The following DUSP7 variants were observed in gnomAD, a reference collection of about 807,000 sequenced individuals.
DUSP7 encodes dual specificity protein phosphatase 7.
A neutral mutation model predicts 29.8 loss-of-function variants in DUSP7; 7 were observed. The ratio of observed to expected loss-of-function variants is 0.24; its 90% confidence interval spans 0.13 to 0.44. The LOEUF (loss-of-function observed/expected upper bound fraction) is 0.44. DUSP7 is among the 20% of genes least tolerant of loss of function. DUSP7 has a pLI of 1.00. For missense variants in DUSP7, 400 were observed against 583.7 expected (o/e 0.69, Z 3.24); for synonymous variants, 287 against 275.4 (o/e 1.04, Z -0.42).
Position 52,054,411 on chromosome 3 carries a change from T to C in DUSP7, c.518-37A>G. On this transcript the variant is annotated intron_variant, in intron 1 of 2. Coordinates refer to ENST00000495880, the MANE Select transcript of DUSP7 (RefSeq NM_001947.4). This position sits in a 1 kb window ranked among gnomAD's most constrained non-coding sequence, Gnocchi z 4.1. ...GTGAGACAGGGCCTGGGTGAGAGGCTGGTGAGAGCCCAGATGGGCTGCACA... is the reference window on the plus strand; with the variant it reads ...GTGAGACAGGGCCTGGGTGAGAGGCCGGTGAGAGCCCAGATGGGCTGCACA... The C allele has an allele frequency of 6.7e-7, 1 of 1,503,580 alleles. No individual in the cohort carries two copies. Among genetic ancestry groups the C allele is most frequent in the African/African-American group, 1.4e-5 (1 of 71,526 alleles). The allele number at this position is 1,503,580 out of a possible 1,614,324, so 93.1% of individuals were successfully genotyped here. A position where few individuals can be genotyped will look rare whatever the true frequency, so the allele number is the denominator to read the frequency against.
In DUSP7 at chr3:52,051,449, T is replaced by C. The variant is rs989487911; in HGVS notation, c.953-327A>G. Among the ~76,000 whole-genome samples the C allele has an allele frequency of 6.6e-6, 1 of 152,220 alleles. No homozygotes were observed. The highest frequency in any genetic ancestry group is 2.4e-5 in the African/African-American group (1 of 41,448). ...AGGGGTCAACAAACATGAACTACTG[T>C]AATGCCTGTGATCATGGCTAGTCCT... On this transcript the variant is annotated intron_variant, in intron 2 of 2. Transcript: ENST00000495880. This position sits in a 1 kb window ranked among gnomAD's most constrained non-coding sequence, Gnocchi z 4.8.
At position 52,054,577 on chromosome 3, in the gene DUSP7, G is replaced by A. The variant is rs1212376452; in HGVS notation, c.518-203C>T. ...TGACCACTTCACAGATAAGGAAACT[G>A]AGGCCCCAGAAGGTGAAGTGACGTG... On this transcript the variant is annotated intron_variant, in intron 1 of 2. Coordinates refer to ENST00000495880, the MANE Select transcript of DUSP7 (RefSeq NM_001947.4). This position sits in a 1 kb window ranked among gnomAD's most constrained non-coding sequence, Gnocchi z 4.1. Among the ~76,000 whole-genome samples the A allele has an allele frequency of 1.3e-5, 2 of 152,160 alleles. No homozygotes were observed. Among genetic ancestry groups the A allele is most frequent in the Non-Finnish European group, 2.9e-5 (2 of 68,032 alleles).
chr3:52,050,981 T>C lies in DUSP7; in HGVS notation c.1094A>G (p.Lys365Arg). ...GTTGAAGTTGGGCGAGATGTTGGAC[T>C]TTTTCCTCTTGACAAAGTCGTAGGC... ...NDAYDFVKRKKSNISPNFNFM... is the reference protein window; with the variant it reads ...NDAYDFVKRKRSNISPNFNFM... The change falls in exon 3 of 3, where the codon AAG becomes AGG. Residue 365 changes from lysine to arginine, a missense_variant. By Grantham distance (26) the Lys-to-Arg change is conservative. Transcript: ENST00000495880. This position sits in a 1 kb window ranked among gnomAD's most constrained non-coding sequence, Gnocchi z 5.0. The C allele has an allele frequency of 6.2e-7, 1 of 1,614,260 alleles. No individual in the cohort carries two copies. Among genetic ancestry groups the C allele is most frequent in the Non-Finnish European group, 8.5e-7 (1 of 1,180,042 alleles).
Position 52,055,707 on chromosome 3 carries a change from C to T in DUSP7, c.517+143G>A, listed in dbSNP as rs1701894055. ...CAAACCACACAGTGGGGACCCGGCT[C>T]CAGGAGGGCGGATGCGGGCCGGGGA... On this transcript the variant is annotated intron_variant, in intron 1 of 2. Coordinates refer to ENST00000495880, the MANE Select transcript of DUSP7 (RefSeq NM_001947.4). The T allele has an allele frequency of 3.8e-6, 4 of 1,057,084 alleles. No individual in the cohort carries two copies. The South Asian group carries it at 7.2e-5, about 19-fold the overall frequency. The allele number at this position is 1,057,084 out of a possible 1,614,324, so 65.5% of individuals were successfully genotyped here.
rs765587860 is a variant in DUSP7 at position 52,051,109 on chromosome 3, G to A, written c.966C>T (p.Ser322=). The change falls in exon 3 of 3, where the codon TCC becomes TCT. Residue 322 remains serine, a synonymous_variant. Coordinates refer to ENST00000495880, the MANE Select transcript of DUSP7 (RefSeq NM_001947.4). The surrounding 1 kb of genome is among the most constrained non-coding windows in gnomAD (Gnocchi z 4.8). ...EAISFIDEAR[S]KKCGVLVHCL... The stretch of plus-strand genomic sequence containing the variant: ...AGTGCACCAGGACACCACACTTCTT[G>A]GAGCGGGCTTCGTCTGAAACACATT... The A allele has an allele frequency of 1.2e-6, 2 of 1,608,868 alleles. No homozygotes were observed. Among genetic ancestry groups the A allele is most frequent in the Non-Finnish European group, 1.7e-6 (2 of 1,177,698 alleles).
Position 52,054,963 on chromosome 3 carries a change from G to T in DUSP7, c.518-589C>A, listed in dbSNP as rs1489278427. Among the ~76,000 whole-genome samples, 1 of 152,216 alleles carries T rather than the reference G, an allele frequency of 6.6e-6. No homozygotes were observed. The highest frequency in any genetic ancestry group is 1.9e-4 in the East Asian group (1 of 5,198). Reference sequence around the variant, plus strand: ...TACTGGCTGGCCCCTTCCCCCAGCAGGGGCAGGTTTTTGAAGGGGGTCCTG... The same window carrying T: ...TACTGGCTGGCCCCTTCCCCCAGCATGGGCAGGTTTTTGAAGGGGGTCCTG... On this transcript the variant is annotated intron_variant, in intron 1 of 2. Coordinates refer to ENST00000495880, the MANE Select transcript of DUSP7 (RefSeq NM_001947.4). The surrounding 1 kb of genome is among the most constrained non-coding windows in gnomAD (Gnocchi z 4.1).
At position 52,056,299 on chromosome 3, in the gene DUSP7, C is replaced by T. The variant is rs1279126886; in HGVS notation, c.68G>A (p.Gly23Glu). Reference sequence around the variant, plus strand: ...GGGCTCGGACCCCGCCCGGGTGCCCCCAGCCGCCGCCGCCCCCGAAGTCGA... The same window carrying T: ...GGGCTCGGACCCCGCCCGGGTGCCCTCAGCCGCCGCCGCCCCCGAAGTCGA... Reference protein sequence around the residue: ...HMSTSGAAAAGGTRAGSEPGA... With the variant: ...HMSTSGAAAAEGTRAGSEPGA... Residue 23 changes from glycine to glutamate, a missense_variant, in exon 1 of 3, where the codon GGG becomes GAG. Gly to Glu is a moderately conservative substitution (Grantham distance 98). Transcript: ENST00000495880. This position sits in a 1 kb window ranked among gnomAD's most constrained non-coding sequence, Gnocchi z 6.4. 9 of 1,199,922 alleles carry T rather than the reference C, an allele frequency of 7.5e-6. No individual in the cohort carries two copies. In the Admixed American group the frequency reaches 1.4e-4, roughly 18 times the overall value. 74.3% of individuals were successfully genotyped at this position (1,199,922 alleles called of 1,614,324 possible). A position where few individuals can be genotyped will look rare whatever the true frequency, so the allele number is the denominator to read the frequency against.
In DUSP7 at chr3:52,056,484, C is replaced by T; in HGVS notation, c.-118G>A. The T allele has an allele frequency of 2.3e-6, 1 of 429,010 alleles. No individual in the cohort carries two copies. 26.6% of individuals were successfully genotyped at this position (429,010 alleles called of 1,614,324 possible). A position where few individuals can be genotyped will look rare whatever the true frequency, so the allele number is the denominator to read the frequency against. On this transcript the variant is annotated 5_prime_UTR_variant, in exon 1 of 3. Transcript: ENST00000495880. The surrounding 1 kb of genome is among the most constrained non-coding windows in gnomAD (Gnocchi z 6.4). The stretch of plus-strand genomic sequence containing the variant: ...CGCCTCCCGCCGAGCTGCGCGCCCG[C>T]CGCCCCGGCCTCCCGGCCTCCCGGC...
rs1366570618 is a variant in DUSP7 at position 52,049,084 on chromosome 3, C to T, written c.*1731G>A. On this transcript the variant is annotated 3_prime_UTR_variant, in exon 3 of 3. Coordinates refer to ENST00000495880, the MANE Select transcript of DUSP7 (RefSeq NM_001947.4). The stretch of plus-strand genomic sequence containing the variant: ...CCACCTTCTGGCATACCCTCATTTA[C>T]ACAAATCTGGTACATCTTTCTGGGT... The T allele has an allele frequency of 1.3e-5, 2 of 152,184 alleles. No individual in the cohort carries two copies. The highest frequency in any genetic ancestry group is 4.8e-5 in the African/African-American group (2 of 41,430). The allele number at this position is 152,184 out of a possible 1,614,324, so 9.4% of individuals were successfully genotyped here. A position where few individuals can be genotyped will look rare whatever the true frequency, so the allele number is the denominator to read the frequency against.
At chr3:52,055,413 A>G (rs2106894542) in intron 1 of DUSP7, among the ~76,000 whole-genome samples, 1 of 152,292 alleles carries the variant, frequency 6.6e-6, no homozygotes, top group African/African-American at 2.4e-5. Flanking sequence ...AATGGTCTCC[A>G]TGCGCTGGAG....
chr3:52,051,386 T>TA lies in DUSP7; in HGVS notation c.953-265_953-264insT, dbSNP rs2106891123. On this transcript the variant is annotated intron_variant, in intron 2 of 2. Transcript: ENST00000495880. The surrounding 1 kb of genome is among the most constrained non-coding windows in gnomAD (Gnocchi z 4.8). Reference sequence around the variant, plus strand: ...TTTCCTCATCTATAAAATGGGCCTATTTATGCACAGTGGTCTCATAAGGAC... The same window carrying TA: ...TTTCCTCATCTATAAAATGGGCCTATATTATGCACAGTGGTCTCATAAGGAC... Among the ~76,000 whole-genome samples the TA allele has an allele frequency of 1.3e-5, 2 of 152,302 alleles. No individual in the cohort carries two copies. The highest frequency in any genetic ancestry group is 4.8e-5 in the African/African-American group (2 of 41,564).
Position 52,049,666 on chromosome 3 carries a change from G to A in DUSP7, c.*1149C>T, listed in dbSNP as rs947221166. The A allele has an allele frequency of 1.3e-5, 2 of 151,944 alleles. No homozygotes were observed. The highest frequency in any genetic ancestry group is 2.9e-5 in the Non-Finnish European group (2 of 67,978). The allele number at this position is 151,944 out of a possible 1,614,324, so 9.4% of individuals were successfully genotyped here. ...GGCCCCACCACCTAATGTCTCCCCA[G>A]CCACTGGGCCTCCACTCCCAGTTAC... On this transcript the variant is annotated 3_prime_UTR_variant, in exon 3 of 3. Transcript: ENST00000495880.
At position 52,056,019 on chromosome 3, in the gene DUSP7, G is replaced by T. The variant is rs745602407; in HGVS notation, c.348C>A (p.Pro116=). ...CGAAGCGCTCCTTGTCGGCGTGGTTGGGGATGATGGAGCGGATGGGCAGGT... is the reference window on the plus strand; with the variant it reads ...CGAAGCGCTCCTTGTCGGCGTGGTTTGGGATGATGGAGCGGATGGGCAGGT... ...KGNLPIRSII[P]NHADKERFAT... The change falls in exon 1 of 3, where the codon CCC becomes CCA. Residue 116 remains proline, a synonymous_variant. Coordinates refer to ENST00000495880, the MANE Select transcript of DUSP7 (RefSeq NM_001947.4). The surrounding 1 kb of genome is among the most constrained non-coding windows in gnomAD (Gnocchi z 6.4). 13 of 1,593,102 alleles carry T rather than the reference G, an allele frequency of 8.2e-6. No individual in the cohort carries two copies. The highest frequency in any genetic ancestry group is 9.4e-6 in the Non-Finnish European group (11 of 1,170,160).
At chr3:52,055,383 A>T (rs889814662) in intron 1 of DUSP7, among the ~76,000 whole-genome samples, 5 of 152,102 alleles carry the variant, frequency 3.3e-5, no homozygotes, top group African/African-American at 4.8e-5. Context: ...CAATTCCCGG[A>T]TCCAGGAGAC....
Position 52,054,353 on chromosome 3 carries a change from G to A in DUSP7, c.539C>T (p.Thr180Ile), listed in dbSNP as rs376651725. The change falls in exon 2 of 3, where the codon ACA (threonine) becomes ATA (isoleucine). Residue 180 changes from threonine to isoleucine, a missense_variant. Physicochemically the swap from Thr to Ile is moderately conservative, Grantham distance 89. This residue lies in a region of DUSP7 where 223 missense variants were observed against 360.9 expected (regional missense o/e 0.62). Transcript: ENST00000495880. This position sits in a 1 kb window ranked among gnomAD's most constrained non-coding sequence, Gnocchi z 4.1. Reference protein sequence around the residue: ...YLQGGFNKFQTEYSEHCETNV... With the variant: ...YLQGGFNKFQIEYSEHCETNV... ...GGTCTCGCAGTGCTCAGAGTACTCT[G>A]TTTGAAACTTGTTGAAACCACCTGT... 7.8e-6 allele frequency: 12 copies of A among 1,529,404 alleles called. No homozygotes were observed. The highest frequency in any genetic ancestry group is 1.4e-5 in the African/African-American group (1 of 72,310). The allele number at this position is 1,529,404 out of a possible 1,614,324, so 94.7% of individuals were successfully genotyped here.
chr3:52,056,215 G>A lies in DUSP7; in HGVS notation c.152C>T (p.Ala51Val). ...CCACTCGGCGCTCTTGCAGGGCATG[G>A]CCCCTGCCCCCGTCGCCGCGCCCGC... The part of the protein sequence containing the change: ...TGAGAATGAG[A>V]MPCKSAEWLQ... Residue 51 changes from alanine to valine, a missense_variant, in exon 1 of 3, where the codon GCC (alanine) becomes GTC (valine). By Grantham distance (64) the Ala-to-Val change is moderately conservative (BLOSUM62 0). This residue lies in a region of DUSP7 where 96 missense variants were observed against 97.1 expected (regional missense o/e 0.99). Coordinates refer to ENST00000495880, the MANE Select transcript of DUSP7 (RefSeq NM_001947.4). The surrounding 1 kb of genome is among the most constrained non-coding windows in gnomAD (Gnocchi z 6.4). 6.9e-7 allele frequency: 1 copy of A among 1,443,900 alleles called. No individual in the cohort carries two copies. The highest frequency in any genetic ancestry group is 9.1e-7 in the Non-Finnish European group (1 of 1,104,600). 89.4% of individuals were successfully genotyped at this position (1,443,900 alleles called of 1,614,324 possible). A position where few individuals can be genotyped will look rare whatever the true frequency, so the allele number is the denominator to read the frequency against.
Position 52,055,958 on chromosome 3 carries a change from C to A in DUSP7, c.409G>T (p.Asp137Tyr). 6.3e-7 allele frequency: 1 copy of A among 1,575,160 alleles called. No homozygotes were observed. Among genetic ancestry groups the A allele is most frequent in the Non-Finnish European group, 8.6e-7 (1 of 1,161,968 alleles). The change falls in exon 1 of 3, where the codon GAC (aspartate) becomes TAC (tyrosine). Residue 137 changes from aspartate to tyrosine, a missense_variant. Transcript: ENST00000495880. ...RCKAATVLLY[D>Y]EATAEWQPEP... ...GGCTGCCACTCGGCCGTGGCCTCGTCGTAGAGCAGCACGGTGGCCGCCTTG... is the reference window on the plus strand; with the variant it reads ...GGCTGCCACTCGGCCGTGGCCTCGTAGTAGAGCAGCACGGTGGCCGCCTTG...
rs775591864 is a variant in DUSP7, at chr3:52,055,863, G to A, written c.504C>T (p.Ala168=). The A allele has an allele frequency of 6.4e-7, 1 of 1,569,490 alleles. No homozygotes were observed. The highest frequency in any genetic ancestry group is 2.3e-5 in the East Asian group (1 of 43,846). ...TGCCGCCCTCACCTTGGAGGTAGTAGGCCTGGCAGCCGTCGTCGCGCAGCT... is the reference window on the plus strand; with the variant it reads ...TGCCGCCCTCACCTTGGAGGTAGTAAGCCTGGCAGCCGTCGTCGCGCAGCT... The part of the protein sequence containing the change: ...LQKLRDDGCQ[A]YYLQGGFNKF... Residue 168 remains alanine, a synonymous_variant, in exon 1 of 3, where the codon GCC becomes GCT. Coordinates refer to ENST00000495880, the MANE Select transcript of DUSP7 (RefSeq NM_001947.4).
In DUSP7 at chr3:52,056,305, G is replaced by A; in HGVS notation, c.62C>T (p.Ala21Val). Residue 21 changes from alanine (A) to valine (V), a missense_variant, in exon 1 of 3, where the codon GCG becomes GTG. Ala to Val is a moderately conservative substitution (Grantham distance 64). Coordinates refer to ENST00000495880, the MANE Select transcript of DUSP7 (RefSeq NM_001947.4). This position sits in a 1 kb window ranked among gnomAD's most constrained non-coding sequence, Gnocchi z 6.4. Reference sequence around the variant, plus strand: ...GGACCCCGCCCGGGTGCCCCCAGCCGCCGCCGCCCCCGAAGTCGACATGTG... The same window carrying A: ...GGACCCCGCCCGGGTGCCCCCAGCCACCGCCGCCCCCGAAGTCGACATGTG... ...RAHMSTSGAA[A>V]AGGTRAGSEP... The A allele has an allele frequency of 8.4e-7, 1 of 1,196,036 alleles. No individual in the cohort carries two copies. The highest frequency in any genetic ancestry group is 1.0e-6 in the Non-Finnish European group (1 of 967,238). The allele number at this position is 1,196,036 out of a possible 1,614,324, so 74.1% of individuals were successfully genotyped here. A position where few individuals can be genotyped will look rare whatever the true frequency, so the allele number is the denominator to read the frequency against.
Sources: allele counts gnomAD v4.1 joint callset (sites outside exome capture counted in the v4.1 genomes callset), GRCh38; gene constraint gnomAD v4.1.1; regional missense constraint gnomAD v4.1.1; non-coding constraint Gnocchi (gnomAD v3.1); transcripts MANE v1.5; gene names NCBI Gene and HGNC (gene_info 2026-07-23, HGNC 2026-07-21).